Variants in ZNF485 observed in about 807,000 individuals in gnomAD.
The protein encoded by ZNF485 is Zinc finger protein 93 (Zinc finger protein HTF34).
In ZNF485, 9 loss-of-function variants were observed where a neutral mutation model predicts 10.8. The observed-to-expected ratio is 0.83, with a 90% CI of 0.50 to 1.45. ZNF485 has a LOEUF of 1.45. Ranked by LOEUF, ZNF485 falls within the 40% of genes most tolerant of loss-of-function variation. The pLI, the probability that ZNF485 is intolerant of heterozygous loss-of-function variation, is 0.00. For missense variants in ZNF485, 487 were observed against 528.0 expected (o/e 0.92, Z 0.76); for synonymous variants, 187 against 181.0 (o/e 1.03, Z -0.27).
chr10:43,611,020 C>T (rs954166113), intron 4 of ZNF485, among the ~76,000 whole-genome samples: 1 of 152,064 alleles, frequency 6.6e-6, no homozygotes, highest in African/African-American at 2.4e-5. Context: ...TAGAGCTTCT[C>T]TCTCTCTCTC....
At position 43,617,591 on chromosome 10, in the gene ZNF485, G is replaced by A; in HGVS notation, c.*222G>A. On this transcript the variant is annotated 3_prime_UTR_variant, in exon 5 of 5. Transcript: ENST00000361807. ...GTGTGCTAATTGAAAAGAATGAGGT[G>A]GAGCTGTAAATACTGTACAAAGCCA... is the stretch of plus-strand genomic sequence containing the variant. 2.3e-6 allele frequency: 1 copy of A among 441,676 alleles called. No homozygotes were observed. The highest frequency in any genetic ancestry group is 3.8e-5 in the Admixed American group (1 of 26,066). 27.4% of individuals were successfully genotyped at this position (441,676 alleles called of 1,614,324 possible).
intron 2 of ZNF485, 21 bp from the exon 3 acceptor site, chr10:43,608,593 G>C (rs746398038): frequency 6.2e-7 from 1 of 1,604,302 alleles, no homozygotes; most frequent in South Asian, 1.1e-5. Context: ...CGGATGAGCA[G>C]AATTGGGTTT....
intron 4 of ZNF485, among the ~76,000 whole-genome samples, chr10:43,611,422 A>G (rs978976488): frequency 2.0e-5 from 3 of 152,094 alleles, no homozygotes; most frequent in Non-Finnish European, 4.4e-5. Flanking sequence ...CCTATAATTT[A>G]TGTAATCAGT....
At position 43,609,243 on chromosome 10, in the gene ZNF485, C is replaced by G. The variant is rs781657967; in HGVS notation, c.152-12C>G. ...TTTTTCTTCCTCTAAGATCCTTTTT[C>G]TTTATGAACAGGGCTTCTCTCTTCC... On this transcript the variant is annotated splice_polypyrimidine_tract_variant and intron_variant, in intron 3 of 4. Coordinates refer to ENST00000361807, the MANE Select transcript of ZNF485 (RefSeq NM_145312.4). 2 of 1,597,020 alleles carry G rather than the reference C, an allele frequency of 1.3e-6. No individual in the cohort carries two copies. The highest frequency in any genetic ancestry group is 1.7e-6 in the Non-Finnish European group (2 of 1,171,520).
At chr10:43,610,595 T>A (rs1481765864) in intron 4 of ZNF485, among the ~76,000 whole-genome samples, 1 of 152,258 alleles carries the variant, frequency 6.6e-6, no homozygotes, top group East Asian at 1.9e-4. Flanking sequence ...ATTTTGGTTG[T>A]TATTTGAAAT....
chr10:43,615,164 A>G lies in ZNF485; in HGVS notation c.248-1127A>G, dbSNP rs558850864. Among the ~76,000 whole-genome samples the G allele has an allele frequency of 7.9e-5, 12 of 152,366 alleles. No homozygotes were observed. The South Asian group carries it at 2.3e-3, about 29-fold the overall frequency. On this transcript the variant is annotated intron_variant, in intron 4 of 4. Coordinates refer to ENST00000361807, the MANE Select transcript of ZNF485 (RefSeq NM_145312.4). ...TCCCCAGACTACTAAGTATAAATACATATAAATATATGTATGTGTATATAT... is the reference window on the plus strand; with the variant it reads ...TCCCCAGACTACTAAGTATAAATACGTATAAATATATGTATGTGTATATAT...
chr10:43,615,131 G>A (rs1174933746), intron 4 of ZNF485, among the ~76,000 whole-genome samples: 2 of 152,086 alleles, frequency 1.3e-5, no homozygotes, highest in East Asian at 3.8e-4. Flanking sequence ...TCCATTGCAT[G>A]GAATTTCTCC....
chr10:43,610,410 A>G (rs1046183736), intron 4 of ZNF485, among the ~76,000 whole-genome samples: 3 of 152,230 alleles, frequency 2.0e-5, no homozygotes, highest in African/African-American at 7.2e-5. Flanking sequence ...GTAAAATACC[A>G]GTAATACATA....
rs772872956 is a variant in ZNF485, at chr10:43,608,633, A to T, written c.44A>T (p.Asp15Val). 13 of 1,613,736 alleles carry T rather than the reference A, an allele frequency of 8.1e-6. No homozygotes were observed. The highest frequency in any genetic ancestry group is 1.0e-5 in the Non-Finnish European group (12 of 1,179,890). ...TTGCAGGGACCGCTGACATTTGGGGATGTGGCTGTGGCCTTTACCCGGATT... is the reference window on the plus strand; with the variant it reads ...TTGCAGGGACCGCTGACATTTGGGGTTGTGGCTGTGGCCTTTACCCGGATT... Reference protein sequence around the residue: ...AQIQGPLTFGDVAVAFTRIEW... With the variant: ...AQIQGPLTFGVVAVAFTRIEW... The change falls in exon 3 of 5, where the codon GAT becomes GTT. Residue 15 changes from aspartate to valine, a missense_variant. Transcript: ENST00000361807.
At chr10:43,606,707 C>A (rs1350481838) in intron 1 of ZNF485, 161 bp downstream of exon 1, 1 of 412,286 alleles carries the variant, frequency 2.4e-6, no homozygotes, top group Non-Finnish European at 4.3e-6. Flanking sequence ...GTGGAGCGAC[C>A]GCTCGAGGCT....
At position 43,617,462 on chromosome 10, in the gene ZNF485, C is replaced by T; in HGVS notation, c.*93C>T. On this transcript the variant is annotated 3_prime_UTR_variant, in exon 5 of 5. Transcript: ENST00000361807. ...CATTTAACAGAAATACTCTGTACTTCTGAGAGAACACATCACTTGTGAGGA... is the reference window on the plus strand; with the variant it reads ...CATTTAACAGAAATACTCTGTACTTTTGAGAGAACACATCACTTGTGAGGA... 1.1e-6 allele frequency: 1 copy of T among 907,034 alleles called. No individual in the cohort carries two copies. Among genetic ancestry groups the T allele is most frequent in the African/African-American group, 1.6e-5 (1 of 60,648 alleles). 56.2% of individuals were successfully genotyped at this position (907,034 alleles called of 1,614,324 possible). A position where few individuals can be genotyped will look rare whatever the true frequency, so the allele number is the denominator to read the frequency against.
Position 43,616,828 on chromosome 10 carries a change from G to A in ZNF485, c.785G>A (p.Arg262Lys). 6.2e-7 allele frequency: 1 copy of A among 1,614,114 alleles called. No homozygotes were observed. Among genetic ancestry groups the A allele is most frequent in the Non-Finnish European group, 8.5e-7 (1 of 1,179,994 alleles). The part of the protein sequence containing the change: ...AQNAALTRHE[R>K]IHSGEKPFKC... ...AATGCAGCTCTTACTCGTCATGAAA[G>A]AATACATAGTGGAGAGAAGCCTTTT... is the stretch of plus-strand genomic sequence containing the variant. Residue 262 changes from arginine (R) to lysine (K), a missense_variant, in exon 5 of 5, where the codon AGA (arginine) becomes AAA (lysine). Coordinates refer to ENST00000361807, the MANE Select transcript of ZNF485 (RefSeq NM_145312.4).
intron 2 of ZNF485, among the ~76,000 whole-genome samples, chr10:43,608,297 C>G (rs530735980): frequency 1.3e-5 from 2 of 152,212 alleles, no homozygotes; most frequent in Admixed American, 1.3e-4. Flanking sequence ...GGTGAGAAAT[C>G]CTGTGAAGAA....
intron 4 of ZNF485, among the ~76,000 whole-genome samples, chr10:43,614,425 A>G (rs1417918653): frequency 6.6e-6 from 1 of 152,138 alleles, no homozygotes; most frequent in African/African-American, 2.4e-5. Flanking sequence ...CTGGGACTAC[A>G]GACACATGCC....
At chr10:43,616,265 T>G (rs1367945322) in intron 4 of ZNF485, 26 bp from the exon 5 acceptor site, 2 of 1,510,406 alleles carry the variant, frequency 1.3e-6, no homozygotes, top group Non-Finnish European at 1.8e-6. Flanking sequence ...ATAAAGAACA[T>G]TTGAATTTTT....
At chr10:43,607,392 T>C in intron 2 of ZNF485, 1 of 451,974 alleles carries the variant, frequency 2.2e-6, no homozygotes, top group South Asian at 3.4e-5. Context: ...TGACCTTTAG[T>C]GTGTGGTAGG....
At chr10:43,611,016 T>TTC (rs1053507181) in intron 4 of ZNF485, among the ~76,000 whole-genome samples, 152 of 151,890 alleles carry the variant, frequency 1.0e-3, no homozygotes, top group African/African-American at 3.5e-3. Flanking sequence ...TGTTTAGAGC[T>TTC]TCTCTCTCTC....
chr10:43,614,327 CTGT>C (rs1838816143), intron 4 of ZNF485, among the ~76,000 whole-genome samples: 1 of 152,148 alleles, frequency 6.6e-6, no homozygotes, highest in Admixed American at 6.5e-5. Context: ...ATCCCTCTCT[CTGT>C]TGTTACTGAC....
At chr10:43,614,134 G>A (rs776515201) in intron 4 of ZNF485, among the ~76,000 whole-genome samples, 23 of 151,822 alleles carry the variant, frequency 1.5e-4, no homozygotes, top group Admixed American at 7.2e-4. Context: ...AGAATCACTC[G>A]AACCTGGGAG....
Sources: gnomAD v4.1 joint callset for allele counts (sites outside exome capture counted in the v4.1 genomes callset) on GRCh38, gnomAD v4.1.1 for gene constraint, MANE v1.5 for transcripts, NCBI Gene and HGNC (gene_info 2026-07-23, HGNC 2026-07-21) for gene names.